The following ARSF variants were observed in gnomAD, a reference collection of about 807,000 sequenced individuals.
The protein encoded by ARSF is arylsulfatase F.
ARSF carries 33 observed loss-of-function variants against 35.4 expected under a neutral mutation model. The ratio of observed to expected loss-of-function variants is 0.93; its 90% CI spans 0.71 to 1.25. The LOEUF is 1.25. Ranked by LOEUF, ARSF falls within the 50% of genes most tolerant of loss-of-function variation. ARSF has a pLI of 0.00. For missense variants in ARSF, 501 were observed against 480.2 expected, an observed-to-expected ratio of 1.04 and a Z score of -0.40; for synonymous variants, 222 against 193.1, an observed-to-expected ratio of 1.15 and a Z score of -1.24.
At chrX:3,083,757 A>G (rs951384291) in intron 5 of ARSF, among the ~76,000 whole-genome samples, 3 of 111,155 alleles carry the variant, frequency 2.7e-5, no homozygotes, top group Admixed American at 1.9e-4. Context: ...AGCTAGCTCT[A>G]TCTATGTATA....
At chrX:3,072,199 A>C (rs889108993) in intron 3 of ARSF, 24 bp downstream of exon 3, 4 of 1,199,152 alleles carry the variant, frequency 3.3e-6, no homozygotes, top group African/African-American at 1.7e-5. Flanking sequence ...ATGGCCAGTC[A>C]TACGTTCGTC....
chrX:3,102,862 C>T (rs772013787), intron 8 of ARSF, among the ~76,000 whole-genome samples: 1 of 109,084 alleles, frequency 9.2e-6, no homozygotes, highest in South Asian at 4.0e-4. Flanking sequence ...CAGTGAGCCG[C>T]GATAGCACCA....
intron 7 of ARSF, among the ~76,000 whole-genome samples, chrX:3,100,864 G>A (rs1286104994): frequency 2.7e-5 from 3 of 111,235 alleles, no homozygotes; most frequent in South Asian, 7.6e-4. Flanking sequence ...CAAAGTGCTG[G>A]GATTACAGGC....
chrX:3,085,139 TCTCTATTGG>T lies in ARSF; in HGVS notation c.830+478_830+486del, dbSNP rs774773458. On this transcript the variant is annotated intron_variant, in intron 6 of 10. Coordinates refer to ENST00000381127, the MANE Select transcript of ARSF (RefSeq NM_001201539.2). ...GGCTCCTGTTATTAAAATCATGGCC[TCTCTATTGG>T]CTCTGAAATTTATATGTTGTCAGAC... Among the ~76,000 whole-genome samples, 43 of 109,703 alleles carry T rather than the reference TCTCTATTGG, an allele frequency of 3.9e-4. No homozygotes were observed. The South Asian group carries it at 0.016, about 42-fold the overall frequency.
chrX:3,093,186 G>A (rs190122945), intron 7 of ARSF, among the ~76,000 whole-genome samples: 41 of 112,188 alleles, frequency 3.7e-4, no homozygotes, highest in Non-Finnish European at 6.0e-4. Context: ...AAATTATCAT[G>A]GGTTTCCCAC....
intron 3 of ARSF, among the ~76,000 whole-genome samples, chrX:3,074,366 GA>G (rs142727745): frequency 1.6e-4 from 17 of 108,683 alleles, no homozygotes; most frequent in Admixed American, 5.0e-4. Context: ...TTCCATATCT[GA>G]AAAAAAAATC....
intron 1 of ARSF, among the ~76,000 whole-genome samples, chrX:3,042,335 C>T (rs2089958765): frequency 9.0e-6 from 1 of 111,112 alleles, no homozygotes; most frequent in Admixed American, 9.6e-5. Context: ...TGTAATGAAA[C>T]AAATGCCTGT....
chrX:3,109,319 C>CA (rs1337957101), intron 9 of ARSF, among the ~76,000 whole-genome samples: 9 of 110,010 alleles, frequency 8.2e-5, no homozygotes, highest in Admixed American at 6.8e-4. Flanking sequence ...AACTCCATCT[C>CA]AAAAAAAATA....
intron 1 of ARSF, among the ~76,000 whole-genome samples, chrX:3,053,536 A>G (rs1343535801): frequency 1.8e-5 from 2 of 109,606 alleles, no homozygotes; most frequent in African/African-American, 6.6e-5. Flanking sequence ...TTACAAAACT[A>G]TCAAGCTATT....
At chrX:3,092,847 C>G (rs1770970805) in intron 7 of ARSF, among the ~76,000 whole-genome samples, 1 of 112,151 alleles carries the variant, frequency 8.9e-6, no homozygotes, top group South Asian at 3.7e-4. Flanking sequence ...GTGGCCATTC[C>G]TGGTAGAGAT....
intron 1 of ARSF, among the ~76,000 whole-genome samples, chrX:3,063,343 A>G (rs777580718): frequency 1.8e-4 from 20 of 111,799 alleles, no homozygotes; most frequent in African/African-American, 6.5e-4. Context: ...CTCACAGCCA[A>G]TATCATACTG....
chrX:3,083,286 T>C (rs770599559), intron 5 of ARSF, among the ~76,000 whole-genome samples: 93 of 110,937 alleles, frequency 8.4e-4, no homozygotes, highest in Non-Finnish European at 1.3e-3. Flanking sequence ...TACATAGATG[T>C]ATACACCATA....
intron 1 of ARSF, among the ~76,000 whole-genome samples, chrX:3,063,628 T>C (rs1323365792): frequency 9.0e-6 from 1 of 111,580 alleles, no homozygotes; most frequent in Non-Finnish European, 1.9e-5. Context: ...AAAATCAATG[T>C]GCAAAAATCA....
intron 4 of ARSF, among the ~76,000 whole-genome samples, chrX:3,080,246 C>T (rs1292256374): frequency 6.7e-5 from 5 of 74,344 alleles, no homozygotes; most frequent in South Asian, 1.1e-3. Context: ...GAGGCCAAGG[C>T]GGGCAGATCA....
intron 6 of ARSF, 116 bp from the exon 7 acceptor site, chrX:3,089,380 A>G: frequency 1.8e-5 from 16 of 896,474 alleles, no homozygotes; most frequent in Non-Finnish European, 2.5e-5. Context: ...GACCCACTCT[A>G]TCTTCTGCAG....
chrX:3,052,028 C>CA lies in ARSF; in HGVS notation c.-29+10374dup, dbSNP rs59838931. On this transcript the variant is annotated intron_variant, in intron 1 of 10. Coordinates refer to ENST00000381127, the MANE Select transcript of ARSF (RefSeq NM_001201539.2). ...CAACAACAAAAAGAACAACAAAAAA[C>CA]AAAAAAAAACTTGTATTCTATTGTC... 6.6e-3 allele frequency among the ~76,000 whole-genome samples: 724 copies of CA among 109,088 alleles called. 3 individuals are homozygous for CA. Among genetic ancestry groups the CA allele is most frequent in the African/African-American group, 0.021 (647 of 30,098 alleles). The allele number at this position is 109,088 out of a possible 115,157, so 94.7% of individuals were successfully genotyped here.
intron 2 of ARSF, among the ~76,000 whole-genome samples, 173 bp from the exon 3 acceptor site, chrX:3,071,853 C>T (rs751566343): frequency 9.0e-6 from 1 of 111,526 alleles, no homozygotes; most frequent in South Asian, 3.8e-4. Flanking sequence ...TGGGCACTTC[C>T]GCTACCATTC....
intron 3 of ARSF, among the ~76,000 whole-genome samples, chrX:3,075,284 C>A (rs2090137289): frequency 8.9e-6 from 1 of 111,912 alleles, no homozygotes; most frequent in Admixed American, 9.5e-5. Context: ...GAATCTCAGT[C>A]ATACTTCACC....
chrX:3,096,379 T>C (rs916667382), intron 7 of ARSF, among the ~76,000 whole-genome samples: 3 of 111,154 alleles, frequency 2.7e-5, no homozygotes, highest in African/African-American at 9.8e-5. Context: ...GAAAGAAAAC[T>C]TGAATACATG....
Sources: gnomAD v4.1 joint callset for allele counts (sites outside exome capture counted in the v4.1 genomes callset) on GRCh38, gnomAD v4.1.1 for gene constraint, MANE v1.5 for transcripts, NCBI Gene and HGNC (gene_info 2026-07-23, HGNC 2026-07-21) for gene names.